The following PIWIL4 variants were observed in gnomAD, a reference collection of about 807,000 sequenced individuals.
PIWIL4 encodes piwi like RNA-mediated gene silencing 4.
In PIWIL4, 50 loss-of-function variants were observed where a neutral mutation model predicts 100.9. That is an observed-to-expected ratio of 0.50 (90% confidence interval 0.39 to 0.63). The LOEUF is 0.63. Ranked by LOEUF, PIWIL4 falls within the 20% of genes least tolerant of loss-of-function variation. The pLI, the probability that PIWIL4 is intolerant of heterozygous loss-of-function variation, is 0.00. For missense variants in PIWIL4, 887 were observed against 1,043.3 expected, an observed-to-expected ratio of 0.85 and a Z score of 2.06; for synonymous variants, 342 against 367.5, an observed-to-expected ratio of 0.93 and a Z score of 0.79.
intron 18 of PIWIL4, 37 bp from the exon 19 acceptor site, chr11:94,619,960 G>C: frequency 6.2e-7 from 1 of 1,614,056 alleles, no homozygotes; most frequent in Non-Finnish European, 8.5e-7. Flanking sequence ...TATTCTGTTT[G>C]CCTTCTTTCC....
At chr11:94,580,820 G>A (rs1191984522) in intron 4 of PIWIL4, among the ~76,000 whole-genome samples, 1 of 150,004 alleles carries the variant, frequency 6.7e-6, no homozygotes, top group Non-Finnish European at 1.5e-5. Flanking sequence ...CCCACAAGTA[G>A]CTGCTACCAC....
rs771563464 is a variant in PIWIL4 at position 94,620,406 on chromosome 11, A to G, written c.2442+262A>G. Among the ~76,000 whole-genome samples the G allele has an allele frequency of 3.7e-4, 57 of 152,218 alleles. 2 individuals are homozygous for G. Among genetic ancestry groups the G allele is most frequent in the Admixed American group, 2.3e-3 (35 of 15,284 alleles). On this transcript the variant is annotated intron_variant, in intron 19 of 19. Coordinates refer to ENST00000299001, the MANE Select transcript of PIWIL4 (RefSeq NM_152431.3). Reference sequence around the variant, plus strand: ...GTTTCTAGACGACTTTGTTATATACATTATCTTATGCAAACCTGGGAGGAA... The same window carrying G: ...GTTTCTAGACGACTTTGTTATATACGTTATCTTATGCAAACCTGGGAGGAA...
At chr11:94,583,042 A>ATGTGTGTGTGTGTGTG (rs112392209) in intron 4 of PIWIL4, among the ~76,000 whole-genome samples, 8 of 140,312 alleles carry the variant, frequency 5.7e-5, no homozygotes, top group African/African-American at 2.1e-4. Flanking sequence ...GTATATATAT[A>ATGTGTGTGTGTGTGTG]TATGTGTGTG....
In PIWIL4 at chr11:94,616,567, C is replaced by T; in HGVS notation, c.2014+4C>T. 1.3e-6 allele frequency: 2 copies of T among 1,599,844 alleles called. No homozygotes were observed. Among genetic ancestry groups the T allele is most frequent in the East Asian group, 2.2e-5 (1 of 44,662 alleles). On this transcript the variant is annotated splice_donor_region_variant and intron_variant, in intron 16 of 19. Transcript: ENST00000299001. Reference sequence around the variant, plus strand: ...TGCTTGAAAGTTTTCATGACTGGTACTAAAAATATAGCAATGTGGGTGGGC... The same window carrying T: ...TGCTTGAAAGTTTTCATGACTGGTATTAAAAATATAGCAATGTGGGTGGGC...
intron 7 of PIWIL4, 21 bp downstream of exon 7, chr11:94,587,268 A>C (rs1948414687): frequency 1.3e-6 from 2 of 1,596,012 alleles, no homozygotes; most frequent in Non-Finnish European, 1.7e-6. Flanking sequence ...GCGTCTAAAT[A>C]AACTTTTCTT....
At chr11:94,601,275 GTTC>G (rs1164646770) in intron 11 of PIWIL4, among the ~76,000 whole-genome samples, 1 of 152,116 alleles carries the variant, frequency 6.6e-6, no homozygotes, top group African/African-American at 2.4e-5. Context: ...CACAATCCAT[GTTC>G]TTCTGCCATG....
intron 5 of PIWIL4, among the ~76,000 whole-genome samples, chr11:94,584,077 G>A (rs1029929135): frequency 3.9e-5 from 6 of 152,146 alleles, no homozygotes; most frequent in African/African-American, 1.4e-4. Flanking sequence ...CTGGTCTAAG[G>A]ATCACATACT....
chr11:94,582,485 A>G lies in PIWIL4; in HGVS notation c.514-963A>G, dbSNP rs953976859. ...TTGATGCAATCTAAAAGTGGTTACAACCATACTGTAGCTGTAGAAAGTAGA... is the reference window on the plus strand; with the variant it reads ...TTGATGCAATCTAAAAGTGGTTACAGCCATACTGTAGCTGTAGAAAGTAGA... On this transcript the variant is annotated intron_variant, in intron 4 of 19. Coordinates refer to ENST00000299001, the MANE Select transcript of PIWIL4 (RefSeq NM_152431.3). 3.9e-5 allele frequency among the ~76,000 whole-genome samples: 6 copies of G among 152,222 alleles called. No individual in the cohort carries two copies. In the South Asian group the frequency reaches 1.0e-3, roughly 26 times the overall value.
At chr11:94,600,767 G>A (rs112115300) in intron 11 of PIWIL4, among the ~76,000 whole-genome samples, 4,200 of 152,092 alleles carry the variant, frequency 0.028, 83 homozygotes, top group Non-Finnish European at 0.042. Flanking sequence ...AGACAGCCAC[G>A]CCCAGGGGGG....
intron 9 of PIWIL4, among the ~76,000 whole-genome samples, chr11:94,593,868 A>C (rs914670247): frequency 1.3e-5 from 2 of 152,200 alleles, no homozygotes; most frequent in African/African-American, 2.4e-5. Flanking sequence ...ACCCCCTGAT[A>C]TCATCCTAAA....
chr11:94,618,774 T>C (rs1349046856), intron 17 of PIWIL4, among the ~76,000 whole-genome samples: 2 of 152,232 alleles, frequency 1.3e-5, no homozygotes, highest in African/African-American at 4.8e-5. Flanking sequence ...GCAGGACACA[T>C]AGCCCTATCT....
At chr11:94,571,427 C>T (rs375629594) in intron 2 of PIWIL4, among the ~76,000 whole-genome samples, 1 of 151,996 alleles carries the variant, frequency 6.6e-6, no homozygotes, top group East Asian at 1.9e-4. Context: ...TAATACTATC[C>T]CTGCCCCCTT....
chr11:94,597,897 A>G lies in PIWIL4; in HGVS notation c.1362A>G (p.Ile454Met), dbSNP rs1176913591. The G allele has an allele frequency of 1.9e-6, 3 of 1,611,764 alleles. No individual in the cohort carries two copies. Among genetic ancestry groups the G allele is most frequent in the East Asian group, 2.2e-5 (1 of 44,850 alleles). The change falls in exon 11 of 20, where the codon ATA becomes ATG. Residue 454 changes from isoleucine to methionine, a missense_variant. Ile to Met is a conservative substitution (Grantham distance 10). This residue lies in a region of PIWIL4 where 741 missense variants were observed against 930.0 expected (regional missense o/e 0.80). Coordinates refer to ENST00000299001, the MANE Select transcript of PIWIL4 (RefSeq NM_152431.3). ...LTGRIVPSEK[I>M]LMQDHICQPV... ...GCCGGATTGTGCCTTCAGAAAAAAT[A>G]TTAATGCAAGACCACATAGTAAGTG...
chr11:94,592,432 C>A (rs1213170385), intron 8 of PIWIL4, among the ~76,000 whole-genome samples: 3 of 152,182 alleles, frequency 2.0e-5, no homozygotes, highest in Non-Finnish European at 4.4e-5. Context: ...CACTGCCGTT[C>A]CTGGAACACA....
chr11:94,592,064 A>T (rs1948493553), intron 8 of PIWIL4, among the ~76,000 whole-genome samples: 2 of 152,200 alleles, frequency 1.3e-5, no homozygotes, highest in East Asian at 3.9e-4. Flanking sequence ...CTTGGTCTCC[A>T]CCTGCATGGA....
rs1429154412 is a variant in PIWIL4 at position 94,583,502 on chromosome 11, A to G, written c.568A>G (p.Thr190Ala). 2 of 1,613,922 alleles carry G rather than the reference A, an allele frequency of 1.2e-6. No homozygotes were observed. The highest frequency in any genetic ancestry group is 2.7e-5 in the African/African-American group (2 of 75,042). ...AGGTGAGACTATAAAGATGACTATC[A>G]CCCTGAAGAGGGAGCTGCCATCAAG... ...QRGETIKMTI[T>A]LKRELPSSSP... Residue 190 changes from threonine (T) to alanine (A), a missense_variant, in exon 5 of 20, where the codon ACC becomes GCC. Physicochemically the swap from Thr to Ala is moderately conservative, Grantham distance 58. This residue lies in a region of PIWIL4 where 741 missense variants were observed against 930.0 expected (regional missense o/e 0.80). Transcript: ENST00000299001.
At position 94,608,583 on chromosome 11, in the gene PIWIL4, T is replaced by C; in HGVS notation, c.1840T>C (p.Leu614=). The part of the protein sequence containing the change: ...GGELWAVEIP[L]KSLMVVGIDV... ...AATCATGACAAATTTAATTTTATAG[T>C]TAAAGTCCCTGATGGTGGTCGGTAT... The change falls in exon 15 of 20, where the codon TTA becomes CTA. Residue 614 remains leucine (L), a splice_region_variant and synonymous_variant. Transcript: ENST00000299001. The C allele has an allele frequency of 6.2e-7, 1 of 1,613,050 alleles. No homozygotes were observed. The highest frequency in any genetic ancestry group is 8.5e-7 in the Non-Finnish European group (1 of 1,179,178).
chr11:94,568,242 CT>C (rs1214815303), intron 1 of PIWIL4, among the ~76,000 whole-genome samples: 1 of 152,154 alleles, frequency 6.6e-6, no homozygotes, highest in African/African-American at 2.4e-5. Flanking sequence ...GATGGAGTAA[CT>C]TCTTGAACAA....
At chr11:94,613,340 G>T (rs1374596503) in intron 15 of PIWIL4, among the ~76,000 whole-genome samples, 2 of 152,150 alleles carry the variant, frequency 1.3e-5, no homozygotes, top group Non-Finnish European at 2.9e-5. Flanking sequence ...GCCTATGAGG[G>T]TTCCTTTGTA....
Sources: gnomAD v4.1 joint callset for allele counts (sites outside exome capture counted in the v4.1 genomes callset) on GRCh38, gnomAD v4.1.1 for gene constraint, gnomAD v4.1.1 regional missense constraint, MANE v1.5 for transcripts, NCBI Gene and HGNC (gene_info 2026-07-23, HGNC 2026-07-21) for gene names.